LRRTM4: variants seen among roughly 807,000 people sequenced by gnomAD.
LRRTM4 encodes leucine rich repeat transmembrane neuronal 4, also known as leucine-rich repeat transmembrane neuronal protein 4.
LRRTM4 carries 25 observed loss-of-function variants against 47.6 expected under a neutral mutation model. The ratio of observed to expected loss-of-function variants is 0.53; its 90% CI spans 0.38 to 0.73. The LOEUF is 0.73. Among genes scored for constraint, LRRTM4 ranks in the 30% least tolerant of loss-of-function variants. The pLI is 0.00. For synonymous variants in LRRTM4, 311 were observed against 269.5 expected (o/e 1.15, Z -1.51); for missense variants, 638 against 713.4 (o/e 0.89, Z 1.20).
chr2:77,430,983 T>C (rs1004204829), intron 3 of LRRTM4, among the ~76,000 whole-genome samples: 1 of 148,678 alleles, frequency 6.7e-6, no homozygotes, highest in Non-Finnish European at 1.5e-5. Flanking sequence ...CTCCAGCCAT[T>C]GGACATCCGA....
chr2:77,403,014 G>A (rs532121548), intron 3 of LRRTM4, among the ~76,000 whole-genome samples: 15 of 151,940 alleles, frequency 9.9e-5, no homozygotes, highest in African/African-American at 3.6e-4. Flanking sequence ...CATTTTTTAA[G>A]ATTCCTGTAT....
At chr2:77,410,925 T>A (rs1011740396) in intron 3 of LRRTM4, among the ~76,000 whole-genome samples, 1 of 152,324 alleles carries the variant, frequency 6.6e-6, no homozygotes, top group South Asian at 2.1e-4. Flanking sequence ...GCCAAACATT[T>A]GTTGGAAACT....
At chr2:77,069,494 T>A (rs1006138793) in intron 3 of LRRTM4, among the ~76,000 whole-genome samples, 14 of 151,686 alleles carry the variant, frequency 9.2e-5, no homozygotes, top group Admixed American at 6.6e-5. Flanking sequence ...TTTTAAATAT[T>A]TGGTAGAATT....
intron 3 of LRRTM4, among the ~76,000 whole-genome samples, chr2:76,897,396 A>G (rs572419738): frequency 3.3e-5 from 5 of 152,068 alleles, no homozygotes; most frequent in African/African-American, 4.8e-5. Context: ...TACCAACTCT[A>G]TTGGGCATAA....
intron 3 of LRRTM4, among the ~76,000 whole-genome samples, chr2:77,278,405 A>T (rs1676420166): frequency 6.6e-6 from 1 of 152,032 alleles, no homozygotes; most frequent in Non-Finnish European, 1.5e-5. Flanking sequence ...GGAGCTTAAA[A>T]ATTCACCATA....
chr2:77,130,070 C>T (rs957097026), intron 3 of LRRTM4, among the ~76,000 whole-genome samples: 2 of 152,066 alleles, frequency 1.3e-5, no homozygotes, highest in African/African-American at 4.8e-5. Context: ...TATCCAAAGA[C>T]TAAGGAAAAG....
chr2:77,405,244 T>A (rs995784743), intron 3 of LRRTM4, among the ~76,000 whole-genome samples: 3 of 152,098 alleles, frequency 2.0e-5, no homozygotes, highest in Non-Finnish European at 4.4e-5. Context: ...AAAATACTAA[T>A]TTTGACTTGG....
intron 3 of LRRTM4, among the ~76,000 whole-genome samples, chr2:77,090,609 G>A (rs942772598): frequency 6.6e-5 from 10 of 152,126 alleles, no homozygotes; most frequent in South Asian, 2.1e-4. Flanking sequence ...GAACCGCAGT[G>A]GCCAGACCTT....
chr2:77,479,119 C>T (rs573784887), intron 3 of LRRTM4, among the ~76,000 whole-genome samples: 57 of 152,232 alleles, frequency 3.7e-4, no homozygotes, highest in Admixed American at 2.9e-3. Flanking sequence ...TGGTCTCGAA[C>T]TCCTGACCTC....
intron 3 of LRRTM4, among the ~76,000 whole-genome samples, chr2:77,386,942 TA>T (rs913335522): frequency 5.3e-5 from 8 of 151,848 alleles, no homozygotes; most frequent in South Asian, 2.1e-4. Flanking sequence ...TCCCAGAACT[TA>T]AAAAAAATAA....
chr2:76,774,182 T>C (rs941995624), intron 3 of LRRTM4, among the ~76,000 whole-genome samples: 2 of 152,010 alleles, frequency 1.3e-5, no homozygotes, highest in African/African-American at 4.8e-5. Flanking sequence ...AGGGAACTTT[T>C]TTTTTTTTTA....
chr2:77,518,141 A>G, intron 3 of LRRTM4, 177 bp downstream of exon 3: 1 of 1,286,922 alleles, frequency 7.8e-7, no homozygotes, highest in Non-Finnish European at 9.8e-7. Context: ...AAAAAAAAAA[A>G]AAAGCAGTCA....
chr2:76,804,693 T>G (rs1215059721), intron 3 of LRRTM4, among the ~76,000 whole-genome samples: 2 of 148,200 alleles, frequency 1.3e-5, no homozygotes, highest in African/African-American at 2.4e-5. Context: ...ATACATATAT[T>G]TGATATACAT....
chr2:77,362,170 A>AAAGAAAGGAAGGAAGGAAGGAAGGAAGG (rs1282143102), intron 3 of LRRTM4, among the ~76,000 whole-genome samples: 2 of 133,620 alleles, frequency 1.5e-5, no homozygotes, highest in African/African-American at 6.5e-5. Context: ...AGAAAGAAAG[A>AAAGAAAGGAAGGAAGGAAGGAAGGAAGG]AAGGAAGGAA....
At chr2:77,166,286 C>A (rs1672882788) in intron 3 of LRRTM4, among the ~76,000 whole-genome samples, 1 of 152,046 alleles carries the variant, frequency 6.6e-6, no homozygotes, top group African/African-American at 2.4e-5. Context: ...AATTGAAAAC[C>A]ACTGCTCAAT....
At chr2:77,172,239 A>G (rs1197274243) in intron 3 of LRRTM4, among the ~76,000 whole-genome samples, 5 of 152,210 alleles carry the variant, frequency 3.3e-5, no homozygotes, top group African/African-American at 7.2e-5. Context: ...TTGGGAATAC[A>G]TATTCACCAC....
At chr2:77,423,040 T>A (rs1489107176) in intron 3 of LRRTM4, among the ~76,000 whole-genome samples, 2 of 152,118 alleles carry the variant, frequency 1.3e-5, no homozygotes, top group Non-Finnish European at 2.9e-5. Flanking sequence ...GGAATTTTAA[T>A]CATATTGTGT....
intron 3 of LRRTM4, among the ~76,000 whole-genome samples, chr2:77,372,098 G>A (rs1458039817): frequency 6.6e-6 from 1 of 151,706 alleles, no homozygotes; most frequent in East Asian, 1.9e-4. Flanking sequence ...AGACACTAAA[G>A]CTTTAAAAAA....
At chr2:77,180,960 T>C (rs1447297305) in intron 3 of LRRTM4, among the ~76,000 whole-genome samples, 1 of 152,152 alleles carries the variant, frequency 6.6e-6, no homozygotes, top group Non-Finnish European at 1.5e-5. Flanking sequence ...AGAGGTATAT[T>C]TCACTCTAAT....
Sources: gnomAD v4.1 joint callset for allele counts (sites outside exome capture counted in the v4.1 genomes callset) on GRCh38, gnomAD v4.1.1 for gene constraint, MANE v1.5 for transcripts, NCBI Gene and HGNC (gene_info 2026-07-23, HGNC 2026-07-21) for gene names.